The following FAM200B variants were observed in gnomAD, a reference collection of about 807,000 sequenced individuals.
FAM200B encodes the protein protein FAM200B.
Under a neutral mutation model 33.1 loss-of-function variants are expected in FAM200B, and 32 were observed. The ratio of observed to expected loss-of-function variants is 0.97; its 90% CI spans 0.73 to 1.30. The LOEUF is 1.30. Ranked by LOEUF, FAM200B falls within the 50% of genes most tolerant of loss-of-function variation. The probability of loss-of-function intolerance (pLI) is 0.00; values close to 1 mark genes in which losing one functional copy is unlikely to be tolerated. For missense variants in FAM200B, 741 were observed against 754.0 expected, an observed-to-expected ratio of 0.98 and a Z score of 0.20; for synonymous variants, 240 against 264.8, an observed-to-expected ratio of 0.91 and a Z score of 0.91.
the FAM200B span, among the ~76,000 whole-genome samples, chr4:15,650,004 T>G: frequency 6.6e-6 from 1 of 152,132 alleles, no homozygotes; most frequent in Admixed American, 6.5e-5. Flanking sequence ...GAGAGTAAAT[T>G]GTCAGAAAGA....
chr4:15,674,638 G>A, the FAM200B span, among the ~76,000 whole-genome samples: 1 of 149,396 alleles, frequency 6.7e-6, no homozygotes, highest in Middle Eastern at 3.5e-3. Flanking sequence ...GATTATCAAC[G>A]TTATGGGATT....
chr4:15,670,431 T>C, the FAM200B span, among the ~76,000 whole-genome samples: 1 of 152,254 alleles, frequency 6.6e-6, no homozygotes, highest in Non-Finnish European at 1.5e-5. Flanking sequence ...ATACAGAGAT[T>C]CCAGCTTTAA....
chr4:15,688,472 A>C lies in FAM200B; in HGVS notation c.1495A>C (p.Asn499His), dbSNP rs1255190117. The C allele has an allele frequency of 1.3e-6, 2 of 1,538,916 alleles. No individual in the cohort carries two copies. Among genetic ancestry groups the C allele is most frequent in the Admixed American group, 2.0e-5 (1 of 50,550 alleles). Residue 499 changes from asparagine to histidine, a missense_variant, in exon 2 of 2, where the codon AAC (asparagine) becomes CAC (histidine). By Grantham distance (68) the Asn-to-His change is moderately conservative (BLOSUM62 1). Transcript: ENST00000422728. ...TATTGAAGAGAATATTATTAATGAA[A>C]ACATTTTGAAAGAAATAAAATTAGA... ...QHIEENIINE[N>H]ILKEIKLEIL...
chr4:15,637,777 A>G, the FAM200B span, among the ~76,000 whole-genome samples: 12 of 152,164 alleles, frequency 7.9e-5, no homozygotes, highest in African/African-American at 2.7e-4. Context: ...CTACTTTGTT[A>G]AATAAAAATA....
the FAM200B span, among the ~76,000 whole-genome samples, chr4:15,643,581 ATT>A: frequency 3.3e-5 from 5 of 151,904 alleles, no homozygotes; most frequent in Non-Finnish European, 7.4e-5. Context: ...AAATTTTTAT[ATT>A]TTTAGTAAAG....
At chr4:15,661,780 G>A in the FAM200B span, among the ~76,000 whole-genome samples, 1 of 152,178 alleles carries the variant, frequency 6.6e-6, no homozygotes, top group East Asian at 1.9e-4. Context: ...CTTATGGGGT[G>A]GTTCTAGATC....
the FAM200B span, chr4:15,655,333 T>C: frequency 1.5e-6 from 2 of 1,332,122 alleles, no homozygotes; most frequent in Non-Finnish European, 2.0e-6. Flanking sequence ...CCGCCGCCTC[T>C]CCATAGACAC....
the FAM200B span, among the ~76,000 whole-genome samples, chr4:15,653,119 T>TAA: frequency 6.6e-6 from 1 of 152,146 alleles, no homozygotes; most frequent in African/African-American, 2.4e-5. Flanking sequence ...TTTTTTTCCC[T>TAA]AAATCGCCTC....
At chr4:15,640,976 C>T in the FAM200B span, 4 of 583,762 alleles carry the variant, frequency 6.9e-6, no homozygotes, top group South Asian at 2.9e-5. Context: ...ATAAAACCTC[C>T]GGGGAAAAAA....
At chr4:15,644,687 T>C in the FAM200B span, 1 of 1,608,650 alleles carries the variant, frequency 6.2e-7, no homozygotes, top group East Asian at 2.2e-5. Context: ...TCGTTGTTGT[T>C]GGAAAAATTG....
At chr4:15,665,845 C>T in the FAM200B span, among the ~76,000 whole-genome samples, 2 of 151,998 alleles carry the variant, frequency 1.3e-5, no homozygotes, top group Non-Finnish European at 2.9e-5. Context: ...GGTAGGAATC[C>T]GATGATTAGT....
the FAM200B span, among the ~76,000 whole-genome samples, chr4:15,660,597 G>A: frequency 6.6e-6 from 1 of 152,078 alleles, no homozygotes; most frequent in East Asian, 1.9e-4. Context: ...CAAGATCTAG[G>A]GCAAATCACT....
chr4:15,676,462 CTG>C, the FAM200B span, among the ~76,000 whole-genome samples: 2 of 152,090 alleles, frequency 1.3e-5, no homozygotes, highest in South Asian at 2.1e-4. Flanking sequence ...AAGGGAGACT[CTG>C]TTATATATTA....
In FAM200B at chr4:15,687,046, A is replaced by T; in HGVS notation, c.69A>T (p.Ser23=). ...AATATACAGAAGCATGTTCAAGTTCATCTGTTGAATCTGGAATTGTGAATA... is the reference window on the plus strand; with the variant it reads ...AATATACAGAAGCATGTTCAAGTTCTTCTGTTGAATCTGGAATTGTGAATA... ...EVKYTEACSS[S]SVESGIVNSD... is the part of the protein sequence containing the mutation. Residue 23 remains serine, a synonymous_variant, in exon 2 of 2, where the codon TCA becomes TCT. Coordinates refer to ENST00000422728, the MANE Select transcript of FAM200B (RefSeq NM_001145191.2). 1 of 1,525,958 alleles carries T rather than the reference A, an allele frequency of 6.6e-7. No individual in the cohort carries two copies. The highest frequency in any genetic ancestry group is 8.9e-7 in the Non-Finnish European group (1 of 1,129,298). 94.5% of individuals were successfully genotyped at this position (1,525,958 alleles called of 1,614,324 possible).
chr4:15,655,149 C>G, the FAM200B span: 1 of 1,307,704 alleles, frequency 7.6e-7, no homozygotes, highest in South Asian at 1.6e-5. Flanking sequence ...AGAACCCAGC[C>G]CGCTCCCCAT....
chr4:15,683,998 T>C (rs977028833), intron 1 of FAM200B, among the ~76,000 whole-genome samples: 9 of 152,232 alleles, frequency 5.9e-5, no homozygotes, highest in African/African-American at 1.9e-4. Context: ...TAATGCACCT[T>C]GGTGTATGAG....
chr4:15,665,047 G>C, the FAM200B span, among the ~76,000 whole-genome samples: 1 of 152,076 alleles, frequency 6.6e-6, no homozygotes, highest in South Asian at 2.1e-4. Flanking sequence ...TGTTTTTCAT[G>C]TGCTCAGTCA....
In FAM200B at chr4:15,689,922, G is replaced by T. The variant is rs1719244269; in HGVS notation, c.*971G>T. 6.0e-6 allele frequency: 1 copy of T among 167,024 alleles called. No homozygotes were observed. The highest frequency in any genetic ancestry group is 2.1e-4 in the South Asian group (1 of 4,832). 10.3% of individuals were successfully genotyped at this position (167,024 alleles called of 1,614,324 possible). On this transcript the variant is annotated 3_prime_UTR_variant, in exon 2 of 2. Transcript: ENST00000422728. ...CTGATTGTCATTCTGCCACCCTGGA[G>T]TATATAATTTTTAATTATCTGATTA... is the stretch of plus-strand genomic sequence containing the variant.
chr4:15,666,816 G>A, the FAM200B span, among the ~76,000 whole-genome samples: 1 of 151,428 alleles, frequency 6.6e-6, no homozygotes, highest in Admixed American at 6.6e-5. Flanking sequence ...GCTGCTACCT[G>A]TCTCAACAAA....
Sources: allele counts gnomAD v4.1 joint callset (sites outside exome capture counted in the v4.1 genomes callset), GRCh38; gene constraint gnomAD v4.1.1; transcripts MANE v1.5; gene names NCBI Gene and HGNC (gene_info 2026-07-23, HGNC 2026-07-21).